The following CACNA1D variants were observed in gnomAD, a reference collection of about 807,000 sequenced individuals.
CACNA1D encodes voltage-dependent L-type calcium channel subunit alpha-1D.
Under a neutral mutation model 257.1 loss-of-function variants are expected in CACNA1D, and 55 were observed. The observed-to-expected ratio is 0.21, with a 90% confidence interval of 0.17 to 0.27. CACNA1D has a LOEUF of 0.27. CACNA1D is among the 10% of genes least tolerant of loss of function. The probability of loss-of-function intolerance (pLI) is 1.00; values close to 1 mark genes in which losing one functional copy is unlikely to be tolerated. For missense variants in CACNA1D, 1,876 were observed against 2,784.0 expected, an observed-to-expected ratio of 0.67 and a Z score of 7.34; for synonymous variants, 980 against 1,014.9, an observed-to-expected ratio of 0.97 and a Z score of 0.65.
At chr3:53,636,724 A>G (rs569898069) in intron 3 of CACNA1D, among the ~76,000 whole-genome samples, 67 of 152,352 alleles carry the variant, frequency 4.4e-4, no homozygotes, top group African/African-American at 1.5e-3. Flanking sequence ...TTTCATATGT[A>G]TTTTATTTAA....
chr3:53,804,505 A>C (rs932936117), intron 44 of CACNA1D, among the ~76,000 whole-genome samples: 1 of 152,020 alleles, frequency 6.6e-6, no homozygotes, highest in African/African-American at 2.4e-5. Context: ...ACCCCCAGAA[A>C]AGAAAACCTC....
chr3:53,798,339 G>A (rs773586604), intron 40 of CACNA1D, among the ~76,000 whole-genome samples: 5 of 142,072 alleles, frequency 3.5e-5, no homozygotes, highest in Admixed American at 6.7e-5. Context: ...GTGTGTGTGC[G>A]TGTGTGTGTG....
At chr3:53,717,414 C>T (rs905589743) in intron 9 of CACNA1D, among the ~76,000 whole-genome samples, 14 of 152,034 alleles carry the variant, frequency 9.2e-5, no homozygotes, top group African/African-American at 2.2e-4. Flanking sequence ...AGCACGTGTT[C>T]GTGATGTTTA....
chr3:53,776,164 C>G lies in CACNA1D; in HGVS notation c.4362+119C>G, dbSNP rs1288832855. 2.1e-5 allele frequency: 19 copies of G among 919,420 alleles called. No individual in the cohort carries two copies. The Admixed American group carries it at 3.3e-4, about 16-fold the overall frequency. 57.0% of individuals were successfully genotyped at this position (919,420 alleles called of 1,614,324 possible). ...AGGACAATTGATGTGGATGAGCACT[C>G]TGGACTCCACTTGGCAGTTGAGGGC... On this transcript the variant is annotated intron_variant, in intron 35 of 47. Transcript: ENST00000350061.
chr3:53,796,308 G>A (rs1416816493), intron 40 of CACNA1D: 1 of 455,948 alleles, frequency 2.2e-6, no homozygotes, highest in Admixed American at 2.3e-5. Flanking sequence ...TTCTTTGGCT[G>A]GAGTCTCAAA....
Position 53,524,206 on chromosome 3 carries a change from T to G in CACNA1D, c.483+22486T>G, listed in dbSNP as rs558004896. 3.9e-5 allele frequency among the ~76,000 whole-genome samples: 6 copies of G among 152,348 alleles called. No homozygotes were observed. The South Asian group carries it at 1.2e-3, about 32-fold the overall frequency. ...AACAGTCAGGTTTGTGCTGAGAATG[T>G]AAGGGTTACTTTTTCCTGAATTGGG... is the stretch of plus-strand genomic sequence containing the variant. On this transcript the variant is annotated intron_variant, in intron 3 of 47. Coordinates refer to ENST00000350061, the MANE Select transcript of CACNA1D (RefSeq NM_001128840.3).
intron 3 of CACNA1D, among the ~76,000 whole-genome samples, chr3:53,520,874 C>CTT (rs1390774442): frequency 1.2e-5 from 1 of 81,932 alleles, no homozygotes; most frequent in African/African-American, 7.3e-5. Flanking sequence ...TTCTTTCTTT[C>CTT]TTTCTTTCTT....
At chr3:53,586,113 T>G (rs2093211283) in intron 3 of CACNA1D, among the ~76,000 whole-genome samples, 1 of 152,188 alleles carries the variant, frequency 6.6e-6, no homozygotes, top group Non-Finnish European at 1.5e-5. Context: ...CTGGAAAATG[T>G]TGGAAAGTGA....
intron 2 of CACNA1D, among the ~76,000 whole-genome samples, chr3:53,498,164 T>G (rs2107083221): frequency 2.0e-5 from 3 of 152,354 alleles, no homozygotes; most frequent in Middle Eastern, 6.8e-3. Flanking sequence ...CGTGTGTGCC[T>G]CTTCCTCCTG....
chr3:53,729,029 GATT>G (rs1166780109), intron 15 of CACNA1D, among the ~76,000 whole-genome samples: 1 of 152,188 alleles, frequency 6.6e-6, no homozygotes, highest in Non-Finnish European at 1.5e-5. Context: ...AGACTAGAGA[GATT>G]ATTGTTTCTT....
chr3:53,505,334 C>T (rs1021976187), intron 3 of CACNA1D, among the ~76,000 whole-genome samples: 3 of 152,040 alleles, frequency 2.0e-5, no homozygotes, highest in Non-Finnish European at 2.9e-5. Context: ...TGGTCTCAAT[C>T]TCCTGACCTT....
At chr3:53,539,861 A>G (rs2092248237) in intron 3 of CACNA1D, among the ~76,000 whole-genome samples, 1 of 152,268 alleles carries the variant, frequency 6.6e-6, no homozygotes. Flanking sequence ...ACACTTCTCC[A>G]TATGTTTGAG....
intron 9 of CACNA1D, among the ~76,000 whole-genome samples, chr3:53,706,277 G>T (rs967910585): frequency 6.6e-6 from 1 of 152,194 alleles, no homozygotes; most frequent in African/African-American, 2.4e-5. Context: ...TGATAGCCGA[G>T]CCTCAGCCTA....
At chr3:53,703,328 A>T (rs2094647162) in intron 9 of CACNA1D, among the ~76,000 whole-genome samples, 1 of 152,202 alleles carries the variant, frequency 6.6e-6, no homozygotes, top group African/African-American at 2.4e-5. Context: ...CATTCTAGGC[A>T]GGTGTTAAGG....
rs765996270 is a variant in CACNA1D, at chr3:53,786,906, G to C, written c.4877G>C (p.Gly1626Ala). ...AAATTCAAGAAACGGAAAGAACAAG[G>C]ACTGGTGGGAAAGTACCCTGCGAAG... The part of the protein sequence containing the change: ...FRKFKKRKEQ[G>A]LVGKYPAKNT... The change falls in exon 40 of 48, where the codon GGA (glycine) becomes GCA (alanine). Residue 1626 changes from glycine to alanine, a missense_variant. Transcript: ENST00000350061. The C allele has an allele frequency of 6.2e-7, 1 of 1,614,036 alleles. No individual in the cohort carries two copies. Among genetic ancestry groups the C allele is most frequent in the Non-Finnish European group, 8.5e-7 (1 of 1,179,904 alleles).
intron 5 of CACNA1D, among the ~76,000 whole-genome samples, chr3:53,662,783 C>G (rs1393125364): frequency 6.6e-6 from 1 of 152,224 alleles, no homozygotes; most frequent in Non-Finnish European, 1.5e-5. Flanking sequence ...ACTTTATCAT[C>G]TCATAAATGT....
chr3:53,744,082 A>C (rs1336018716), intron 22 of CACNA1D, among the ~76,000 whole-genome samples: 1 of 152,166 alleles, frequency 6.6e-6, no homozygotes, highest in Non-Finnish European at 1.5e-5. Flanking sequence ...AGGGTAAAGC[A>C]GAAAGCTGCA....
chr3:53,680,220 C>T (rs2094416697), intron 8 of CACNA1D, among the ~76,000 whole-genome samples: 1 of 152,204 alleles, frequency 6.6e-6, no homozygotes, highest in South Asian at 2.1e-4. Flanking sequence ...TTTCGCTGAT[C>T]CTTGTTTCCA....
intron 3 of CACNA1D, among the ~76,000 whole-genome samples, chr3:53,603,720 G>A (rs1309557659): frequency 3.9e-5 from 6 of 152,160 alleles, no homozygotes; most frequent in Admixed American, 3.3e-4. Flanking sequence ...AACATGACAG[G>A]CTCCCCAGAA....
Sources: allele counts gnomAD v4.1 joint callset (sites outside exome capture counted in the v4.1 genomes callset), GRCh38; gene constraint gnomAD v4.1.1; transcripts MANE v1.5; gene names NCBI Gene and HGNC (gene_info 2026-07-23, HGNC 2026-07-21).